The following SATB1 variants were observed in gnomAD, a reference collection of about 807,000 sequenced individuals.
SATB1 encodes DNA-binding protein SATB1.
A neutral mutation model predicts 86.9 loss-of-function variants in SATB1; 11 were observed. The ratio of observed to expected loss-of-function variants is 0.13; its 90% CI spans 0.08 to 0.21. The LOEUF is 0.21. Among genes scored for constraint, SATB1 ranks in the 10% least tolerant of loss-of-function variants. The pLI is 1.00. For missense variants in SATB1, 551 were observed against 937.6 expected, an observed-to-expected ratio of 0.59 and a Z score of 5.39; for synonymous variants, 357 against 357.2, an observed-to-expected ratio of 1.00 and a Z score of 0.01.
chr3:18,444,745 G>C lies in SATB1; in HGVS notation c.-25+773C>G. The C allele has an allele frequency of 1.6e-5, 11 of 692,888 alleles. No homozygotes were observed. The highest frequency in any genetic ancestry group is 2.0e-5 in the Non-Finnish European group (11 of 563,138). The allele number at this position is 692,888 out of a possible 1,614,324, so 42.9% of individuals were successfully genotyped here. A position where few individuals can be genotyped will look rare whatever the true frequency, so the allele number is the denominator to read the frequency against. On this transcript the variant is annotated intron_variant, in intron 1 of 3. Transcript: ENST00000415069. The surrounding 1 kb of genome is among the most constrained non-coding windows in gnomAD (Gnocchi z 5.1). Reference sequence around the variant, plus strand: ...TCCTGCCGCCGCCGCCGCCGCCGGAGCTGCGGCTGCCGCGGAAGTTAATTG... The same window carrying C: ...TCCTGCCGCCGCCGCCGCCGCCGGACCTGCGGCTGCCGCGGAAGTTAATTG...
chr3:18,380,439 T>C (rs1434803065), intron 8 of SATB1, among the ~76,000 whole-genome samples: 3 of 150,122 alleles, frequency 2.0e-5, no homozygotes, highest in Non-Finnish European at 4.5e-5. Flanking sequence ...TTTGGTTAAT[T>C]TTTTTTTTTA....
Position 18,349,776 on chromosome 3 carries a change from C to A in SATB1, c.1780-94G>T, listed in dbSNP as rs750597809. The A allele has an allele frequency of 4.9e-5, 71 of 1,463,742 alleles. No homozygotes were observed. Among genetic ancestry groups the A allele is most frequent in the Non-Finnish European group, 6.3e-5 (70 of 1,110,986 alleles). 90.7% of individuals were successfully genotyped at this position (1,463,742 alleles called of 1,614,324 possible). Reference sequence around the variant, plus strand: ...AGGAAAAATGTGGTCCCGGATCCTACATATAGCTTCTTTGATAGGGATGAA... The same window carrying A: ...AGGAAAAATGTGGTCCCGGATCCTAAATATAGCTTCTTTGATAGGGATGAA... On this transcript the variant is annotated intron_variant, in intron 10 of 10. Transcript: ENST00000338745. This position sits in a 1 kb window ranked among gnomAD's most constrained non-coding sequence, Gnocchi z 5.5.
At chr3:18,376,338 TATA>T (rs1178222517) in intron 9 of SATB1, among the ~76,000 whole-genome samples, 2 of 152,048 alleles carry the variant, frequency 1.3e-5, no homozygotes, top group Non-Finnish European at 2.9e-5. Flanking sequence ...ATTAATAAGT[TATA>T]ATATTAATTT....
intron 8 of SATB1, among the ~76,000 whole-genome samples, chr3:18,385,469 A>G (rs1316058650): frequency 6.6e-6 from 1 of 151,982 alleles, no homozygotes; most frequent in Non-Finnish European, 1.5e-5. Context: ...AAAAACACAA[A>G]AAAATTAGCT....
chr3:18,419,666 A>AT (rs568243111), intron 2 of SATB1, among the ~76,000 whole-genome samples: 145 of 152,308 alleles, frequency 9.5e-4, no homozygotes, highest in Middle Eastern at 3.4e-3. Flanking sequence ...AATAAATTAT[A>AT]TTTTTAATGC....
chr3:18,351,071 C>T (rs1343647308), intron 10 of SATB1: 2 of 504,122 alleles, frequency 4.0e-6, no homozygotes, highest in Non-Finnish European at 7.3e-6. Flanking sequence ...GCGCTAATGA[C>T]TACCTGATCC....
upstream of SATB1, among the ~76,000 whole-genome samples, chr3:18,427,218 T>A (rs1226965308): frequency 6.6e-6 from 1 of 152,194 alleles, no homozygotes; most frequent in Admixed American, 6.5e-5. Context: ...ATATGGTAGG[T>A]TAAATTTGAA....
chr3:18,409,999 G>C (rs775546186), intron 5 of SATB1, among the ~76,000 whole-genome samples: 10 of 152,006 alleles, frequency 6.6e-5, no homozygotes, highest in Non-Finnish European at 1.3e-4. Context: ...TACTGGTCTT[G>C]AGAATATGAA....
upstream of SATB1, among the ~76,000 whole-genome samples, chr3:18,440,493 A>G (rs1428709459): frequency 2.0e-5 from 3 of 152,200 alleles, no homozygotes; most frequent in Non-Finnish European, 4.4e-5. Context: ...AAATACGTGC[A>G]CTAAACTATA....
In SATB1 at chr3:18,423,916, T is replaced by A. The variant is rs1333210826; in HGVS notation, c.-314A>T. ...AAAAATCACAATTCGAAAACCAACA[T>A]ATAGGGGTTTGTAAAATGTCTAACC... is the stretch of plus-strand genomic sequence containing the variant. On this transcript the variant is annotated 5_prime_UTR_variant, in exon 1 of 11. The change abolishes an upstream ATG in the 5' untranslated region. Coordinates refer to ENST00000338745, the MANE Select transcript of SATB1 (RefSeq NM_002971.6). 1 of 150,776 alleles carries A rather than the reference T, an allele frequency of 6.6e-6. No individual in the cohort carries two copies. Among genetic ancestry groups the A allele is most frequent in the Admixed American group, 6.6e-5 (1 of 15,188 alleles). The allele number at this position is 150,776 out of a possible 1,614,324, so 9.3% of individuals were successfully genotyped here.
rs2125216865 is a variant in SATB1 at position 18,444,803 on chromosome 3, A to C, written c.-25+715T>G. The stretch of plus-strand genomic sequence containing the variant: ...ACTTCAAGTTGTCCTCTTTCCCCAT[A>C]CGAAGTGGGCGTTTAAAGGGGAGAG... On this transcript the variant is annotated intron_variant, in intron 1 of 3. Transcript: ENST00000415069. This position sits in a 1 kb window ranked among gnomAD's most constrained non-coding sequence, Gnocchi z 5.1. 5 of 254,208 alleles carry C rather than the reference A, an allele frequency of 2.0e-5. No homozygotes were observed. Among genetic ancestry groups the C allele is most frequent in the South Asian group, 1.5e-4 (1 of 6,802 alleles). 15.7% of individuals were successfully genotyped at this position (254,208 alleles called of 1,614,324 possible).
chr3:18,349,639 G>A lies in SATB1; in HGVS notation c.1823C>T (p.Ala608Val). Residue 608 changes from alanine to valine, a missense_variant, in exon 11 of 11, where the codon GCA becomes GTA. Ala to Val is a moderately conservative substitution (Grantham distance 64). Transcript: ENST00000338745. The surrounding 1 kb of genome is among the most constrained non-coding windows in gnomAD (Gnocchi z 5.5). Reference protein sequence around the residue: ...QQQQQQQQQQAPPPPQPQQQP... With the variant: ...QQQQQQQQQQVPPPPQPQQQP... ...CTGCTGTGGCTGTGGAGGCGGCGGT[G>A]CCTGCTGCTGCTGCTGCTGCTGTTG... is the stretch of plus-strand genomic sequence containing the variant. The A allele has an allele frequency of 1.2e-6, 2 of 1,611,912 alleles. No individual in the cohort carries two copies. Among genetic ancestry groups the A allele is most frequent in the Non-Finnish European group, 1.7e-6 (2 of 1,179,430 alleles).
At chr3:18,445,327 G>A in intron 1 of SATB1, 1 of 985,022 alleles carries the variant, frequency 1.0e-6, no homozygotes, top group Non-Finnish European at 1.2e-6. Flanking sequence ...ACCGCTCCCG[G>A]GCTCCCTCCC....
chr3:18,354,359 T>A (rs1233584944), intron 9 of SATB1, among the ~76,000 whole-genome samples: 23 of 152,096 alleles, frequency 1.5e-4, no homozygotes, highest in Admixed American at 1.5e-3. Flanking sequence ...ACTTTCCCTC[T>A]CCCCCTTGTC....
Position 18,394,334 on chromosome 3 carries a change from A to C in SATB1, c.1206+128T>G. On this transcript the variant is annotated intron_variant, in intron 7 of 10. Coordinates refer to ENST00000338745, the MANE Select transcript of SATB1 (RefSeq NM_002971.6). This position sits in a 1 kb window ranked among gnomAD's most constrained non-coding sequence, Gnocchi z 5.9. ...AATTGAGGCTCCACCAGGAATAGGT[A>C]ATATGATCACATGAAGAGAGAGAGA... 1.3e-6 allele frequency: 1 copy of C among 766,588 alleles called. No homozygotes were observed. The highest frequency in any genetic ancestry group is 2.1e-6 in the Non-Finnish European group (1 of 467,910). The allele number at this position is 766,588 out of a possible 1,614,324, so 47.5% of individuals were successfully genotyped here. A position where few individuals can be genotyped will look rare whatever the true frequency, so the allele number is the denominator to read the frequency against.
At chr3:18,392,585 A>T (rs1696737504) in intron 7 of SATB1, among the ~76,000 whole-genome samples, 1 of 151,782 alleles carries the variant, frequency 6.6e-6, no homozygotes, top group South Asian at 2.1e-4. Context: ...ACACACACAC[A>T]TATATATACA....
Position 18,386,471 on chromosome 3 carries a change from T to C in SATB1, c.1347A>G (p.Glu449=), listed in dbSNP as rs200144657. Residue 449 remains glutamate (E), a synonymous_variant, in exon 8 of 11, where the codon GAA becomes GAG. Transcript: ENST00000338745. This position sits in a 1 kb window ranked among gnomAD's most constrained non-coding sequence, Gnocchi z 4.5. ...TGGCCGAGGCAGCATTCAAGCTCCT[T>C]TCCCTTTCGTCCTGGTATATTCGGT... ...ERDRIYQDER[E]RSLNAASAMG... is the part of the protein sequence containing the mutation. 2 of 1,614,142 alleles carry C rather than the reference T, an allele frequency of 1.2e-6. No individual in the cohort carries two copies. Among genetic ancestry groups the C allele is most frequent in the East Asian group, 4.5e-5 (2 of 44,866 alleles).
upstream of SATB1, among the ~76,000 whole-genome samples, chr3:18,425,627 C>A (rs2125185775): frequency 6.6e-6 from 1 of 151,708 alleles, no homozygotes; most frequent in East Asian, 2.0e-4. Context: ...TAGAGTGAGG[C>A]GGCCCGACAT....
At chr3:18,391,684 C>CA (rs1696684591) in intron 7 of SATB1, among the ~76,000 whole-genome samples, 1 of 152,046 alleles carries the variant, frequency 6.6e-6, no homozygotes, top group Admixed American at 6.5e-5. Context: ...GTACTAGGTG[C>CA]ACACAAATGT....
Sources: gnomAD v4.1 joint callset for allele counts (sites outside exome capture counted in the v4.1 genomes callset) on GRCh38, gnomAD v4.1.1 for gene constraint, Gnocchi (gnomAD v3.1) non-coding constraint, MANE v1.5 for transcripts, NCBI Gene and HGNC (gene_info 2026-07-23, HGNC 2026-07-21) for gene names.